CLASP2: variants seen among roughly 807,000 people sequenced by gnomAD.
The protein encoded by CLASP2 is cytoplasmic linker associated protein 2, also known as CLIP-associating protein 2.
Under a neutral mutation model 194.4 loss-of-function variants are expected in CLASP2, and 47 were observed. That is an observed-to-expected ratio of 0.24 (90% confidence interval 0.19 to 0.31). CLASP2 has a LOEUF of 0.31. CLASP2 is among the 10% of genes least tolerant of loss of function. The pLI is 1.00. For missense variants in CLASP2, 1,445 were observed against 1,823.6 expected (o/e 0.79, Z 3.78); for synonymous variants, 619 against 633.5 (o/e 0.98, Z 0.34).
At chr3:33,706,738 G>C (rs981860903) in intron 1 of CLASP2, among the ~76,000 whole-genome samples, 1 of 152,120 alleles carries the variant, frequency 6.6e-6, no homozygotes, top group South Asian at 2.1e-4. Context: ...AAGACGGGAG[G>C]AATGCTTGAG....
chr3:33,516,598 T>C (rs186731690), intron 35 of CLASP2, among the ~76,000 whole-genome samples: 1 of 152,028 alleles, frequency 6.6e-6, no homozygotes, highest in African/African-American at 2.4e-5. Flanking sequence ...GCCTGGGAGA[T>C]GGAGGTTGCA....
intron 34 of CLASP2, among the ~76,000 whole-genome samples, chr3:33,522,894 C>G (rs938209669): frequency 6.6e-6 from 1 of 152,134 alleles, no homozygotes; most frequent in Non-Finnish European, 1.5e-5. Context: ...CACGGTGAAA[C>G]CCCGTCTCTA....
intron 1 of CLASP2, among the ~76,000 whole-genome samples, chr3:33,701,432 C>T (rs1255633883): frequency 1.3e-5 from 2 of 152,130 alleles, no homozygotes; most frequent in African/African-American, 4.8e-5. Flanking sequence ...CCTGTCTCTA[C>T]AAAAAATTTT....
intron 10 of CLASP2, among the ~76,000 whole-genome samples, chr3:33,624,721 T>C (rs2077699857): frequency 1.3e-5 from 2 of 152,158 alleles, no homozygotes; most frequent in South Asian, 4.1e-4. Context: ...GGTCTCTCTC[T>C]ATCAAAGTAC....
intron 34 of CLASP2, among the ~76,000 whole-genome samples, chr3:33,522,718 A>G (rs1188584565): frequency 6.6e-6 from 1 of 152,228 alleles, no homozygotes; most frequent in Non-Finnish European, 1.5e-5. Context: ...AGAGATAGAA[A>G]ACCTAAAAAG....
chr3:33,502,146 T>TG (rs1167073813), intron 37 of CLASP2: 2 of 161,720 alleles, frequency 1.2e-5, no homozygotes, highest in Non-Finnish European at 2.7e-5. Context: ...TTCATTGGTT[T>TG]GGTAGCTCAA....
chr3:33,602,746 A>T, intron 18 of CLASP2: 1 of 683,402 alleles, frequency 1.5e-6, no homozygotes, highest in Non-Finnish European at 2.6e-6. Context: ...TGTTTCTTTG[A>T]TCAAGACGAT....
Position 33,510,773 on chromosome 3 carries a change from A to T in CLASP2, c.4111-9T>A, listed in dbSNP as rs749400061. 3.8e-6 allele frequency: 6 copies of T among 1,594,898 alleles called. No individual in the cohort carries two copies. The Admixed American group carries it at 8.8e-5, about 23-fold the overall frequency. ...TCAGCAGATCTCACCACCTAAAAAA[A>T]ATAGGAAATTAAGCCAGAAAGTAAT... On this transcript the variant is annotated splice_polypyrimidine_tract_variant and intron_variant, in intron 36 of 38. Coordinates refer to ENST00000682230, the MANE Select transcript of CLASP2 (RefSeq NM_001365631.1).
intron 8 of CLASP2, among the ~76,000 whole-genome samples, chr3:33,637,786 C>T (rs2080452088): frequency 6.6e-6 from 1 of 152,200 alleles, no homozygotes. Context: ...TTCAGTGCTG[C>T]AGAAGGTAAA....
intron 12 of CLASP2, 117 bp downstream of exon 12, chr3:33,619,486 T>C: frequency 1.1e-6 from 1 of 916,468 alleles, no homozygotes; most frequent in Non-Finnish European, 1.5e-6. Flanking sequence ...AAAAAGAAAC[T>C]CCATGACTTA....
chr3:33,666,399 C>G (rs893670077), intron 6 of CLASP2, among the ~76,000 whole-genome samples: 5 of 152,162 alleles, frequency 3.3e-5, no homozygotes, highest in African/African-American at 9.7e-5. Flanking sequence ...TAATCTACTT[C>G]CTTTCTCTAA....
At chr3:33,649,944 GGAA>G (rs1169001570) in intron 7 of CLASP2, among the ~76,000 whole-genome samples, 4 of 151,998 alleles carry the variant, frequency 2.6e-5, no homozygotes, top group Admixed American at 6.6e-5. Context: ...AAATTTCCCT[GGAA>G]GAAGGTGTCT....
At chr3:33,518,867 T>G (rs1035819100) in intron 34 of CLASP2, among the ~76,000 whole-genome samples, 1 of 152,212 alleles carries the variant, frequency 6.6e-6, no homozygotes, top group African/African-American at 2.4e-5. Flanking sequence ...GAATTATCTA[T>G]ATGAATGAGA....
chr3:33,537,868 G>A (rs1559917672), intron 33 of CLASP2, among the ~76,000 whole-genome samples: 1 of 152,126 alleles, frequency 6.6e-6, no homozygotes, highest in Admixed American at 6.6e-5. Flanking sequence ...TGGGTCGGGC[G>A]CAGTGGCTCA....
chr3:33,639,010 G>C (rs1468197449), intron 8 of CLASP2, among the ~76,000 whole-genome samples: 1 of 152,116 alleles, frequency 6.6e-6, no homozygotes, highest in Non-Finnish European at 1.5e-5. Flanking sequence ...CAGAATAATG[G>C]GCAGGTACTA....
At chr3:33,715,110 T>C (rs899254364) in intron 1 of CLASP2, among the ~76,000 whole-genome samples, 4 of 152,240 alleles carry the variant, frequency 2.6e-5, no homozygotes, top group Non-Finnish European at 5.9e-5. Context: ...CTGTTTCCTC[T>C]GCTTCAATCA....
chr3:33,594,302 T>C (rs1187308540), intron 20 of CLASP2, among the ~76,000 whole-genome samples: 1 of 152,172 alleles, frequency 6.6e-6, no homozygotes, highest in South Asian at 2.1e-4. Flanking sequence ...GAAAAAAATT[T>C]ATATTTTGAA....
chr3:33,530,887 T>G (rs909425270), intron 34 of CLASP2, among the ~76,000 whole-genome samples: 16 of 152,194 alleles, frequency 1.1e-4, no homozygotes, highest in African/African-American at 3.9e-4. Flanking sequence ...CTTAATAATG[T>G]TAAGATACCA....
Position 33,718,045 on chromosome 3 carries a change from C to G in CLASP2, c.-43G>C. Reference sequence around the variant, plus strand: ...CGCCTGCCAGTCTGTGAGCGGCCAACTTTCGCCGAGAGCCGCCCAGCCTCC... The same window carrying G: ...CGCCTGCCAGTCTGTGAGCGGCCAAGTTTCGCCGAGAGCCGCCCAGCCTCC... On this transcript the variant is annotated 5_prime_UTR_variant, in exon 1 of 39. Coordinates refer to ENST00000682230, the MANE Select transcript of CLASP2 (RefSeq NM_001365631.1). 6.9e-7 allele frequency: 1 copy of G among 1,443,842 alleles called. No homozygotes were observed. The highest frequency in any genetic ancestry group is 1.4e-5 in the South Asian group (1 of 69,022). 89.4% of individuals were successfully genotyped at this position (1,443,842 alleles called of 1,614,324 possible).
Sources: gnomAD v4.1 joint callset for allele counts (sites outside exome capture counted in the v4.1 genomes callset) on GRCh38, gnomAD v4.1.1 for gene constraint, MANE v1.5 for transcripts, NCBI Gene and HGNC (gene_info 2026-07-23, HGNC 2026-07-21) for gene names.